GRHL2: variants seen among roughly 807,000 people sequenced by gnomAD.
The protein encoded by GRHL2 is grainyhead like transcription factor 2, also known as grainyhead-like protein 2 homolog.
In GRHL2, 21 loss-of-function variants were observed where a neutral mutation model predicts 83.8. The observed-to-expected ratio is 0.25, with a 90% CI of 0.18 to 0.36. The LOEUF (loss-of-function observed/expected upper bound fraction) is 0.36. GRHL2 is among the 10% of genes least tolerant of loss of function. The probability of loss-of-function intolerance (pLI) is 1.00; values close to 1 mark genes in which losing one functional copy is unlikely to be tolerated. For synonymous variants in GRHL2, 280 were observed against 278.9 expected (o/e 1.00, Z -0.04); for missense variants, 623 against 781.8 (o/e 0.80, Z 2.42).
At chr8:101,616,322 C>G (rs781288603) in intron 8 of GRHL2, among the ~76,000 whole-genome samples, 1 of 151,960 alleles carries the variant, frequency 6.6e-6, no homozygotes, top group Non-Finnish European at 1.5e-5. Flanking sequence ...AGGTGCCCAC[C>G]ACCATACCCA....
the GRHL2 span, among the ~76,000 whole-genome samples, chr8:101,677,226 A>AT: frequency 0.012 from 1,794 of 151,734 alleles, 26 homozygotes; most frequent in East Asian, 0.056. Context: ...AATAATAATA[A>AT]AAATAAAGAA....
chr8:101,628,030 G>T (rs1813114288), intron 9 of GRHL2, among the ~76,000 whole-genome samples: 1 of 152,176 alleles, frequency 6.6e-6, no homozygotes, highest in Admixed American at 6.6e-5. Flanking sequence ...AACTGCAAGT[G>T]CTGATGTAGA....
chr8:101,578,639 A>G (rs1811982484), intron 7 of GRHL2, among the ~76,000 whole-genome samples: 1 of 152,224 alleles, frequency 6.6e-6, no homozygotes, highest in African/African-American at 2.4e-5. Flanking sequence ...AGACTTCATT[A>G]CCCCATTTTG....
chr8:101,540,549 C>T (rs1981361), intron 1 of GRHL2, among the ~76,000 whole-genome samples: 75,098 of 152,070 alleles, frequency 0.49, 19,645 homozygotes, highest in Non-Finnish European at 0.58. Flanking sequence ...GCCTAGCGAC[C>T]GGAATTCCAC....
intron 1 of GRHL2, among the ~76,000 whole-genome samples, chr8:101,535,003 C>A (rs1811013903): frequency 6.6e-6 from 1 of 152,184 alleles, no homozygotes; most frequent in African/African-American, 2.4e-5. Flanking sequence ...ACATGCATTT[C>A]TCTCATTTAA....
chr8:101,545,871 T>C (rs995422150), intron 2 of GRHL2, among the ~76,000 whole-genome samples: 2 of 83,196 alleles, frequency 2.4e-5, no homozygotes, highest in African/African-American at 1.3e-4. Flanking sequence ...CTTTGTAACA[T>C]TTTTTTTTTT....
intron 11 of GRHL2, among the ~76,000 whole-genome samples, chr8:101,633,349 T>A (rs2130402804): frequency 6.6e-6 from 1 of 152,336 alleles, no homozygotes; most frequent in South Asian, 2.1e-4. Flanking sequence ...TGAGGAAACA[T>A]CTGTTTTGAG....
rs531108045 is a variant in GRHL2, at chr8:101,610,561, C to T, written c.1099-8978C>T. 1.7e-4 allele frequency among the ~76,000 whole-genome samples: 26 copies of T among 150,796 alleles called. 3 individuals carry two copies. In the South Asian group the frequency reaches 3.3e-3, roughly 19 times the overall value. On this transcript the variant is annotated intron_variant, in intron 8 of 15. Coordinates refer to ENST00000646743, the MANE Select transcript of GRHL2 (RefSeq NM_024915.4). ...TCTGAAAGGAGAGAGATAATGTTGA[C>T]GATAGTAAAATTCTTTCGATTTTCA...
chr8:101,673,366 G>T (rs1292395232), downstream of GRHL2, among the ~76,000 whole-genome samples: 1 of 152,010 alleles, frequency 6.6e-6, no homozygotes, highest in South Asian at 2.1e-4. Context: ...GATCTACCAA[G>T]CAATTGGAAA....
intron 8 of GRHL2, among the ~76,000 whole-genome samples, chr8:101,616,178 CTCTT>C (rs1461095034): frequency 6.8e-6 from 1 of 147,936 alleles, no homozygotes; most frequent in East Asian, 2.0e-4. Flanking sequence ...CTCTCTCTCT[CTCTT>C]TCTTTTTGAC....
At chr8:101,530,329 G>T (rs778989320) in intron 1 of GRHL2, among the ~76,000 whole-genome samples, 1 of 152,142 alleles carries the variant, frequency 6.6e-6, no homozygotes, top group Non-Finnish European at 1.5e-5. Flanking sequence ...AATGGAAATC[G>T]GTCCTGCAGG....
chr8:101,604,031 A>AAAAAAC (rs1445738376), intron 8 of GRHL2, among the ~76,000 whole-genome samples: 4 of 151,224 alleles, frequency 2.6e-5, no homozygotes, highest in African/African-American at 9.7e-5. Context: ...AAAAAAAAAA[A>AAAAAAC]AAAAGCCATA....
intron 2 of GRHL2, among the ~76,000 whole-genome samples, chr8:101,551,574 G>C (rs1461931366): frequency 6.6e-6 from 1 of 151,730 alleles, no homozygotes; most frequent in African/African-American, 2.4e-5. Context: ...GCTGCTTTTT[G>C]GGTGCAAAGG....
intron 1 of GRHL2, among the ~76,000 whole-genome samples, chr8:101,513,628 G>A (rs1395730654): frequency 6.6e-6 from 1 of 151,432 alleles, no homozygotes; most frequent in Non-Finnish European, 1.5e-5. Context: ...CCTAGTAGCT[G>A]GGATTACAGG....
At chr8:101,573,496 T>A (rs975702192) in intron 5 of GRHL2, among the ~76,000 whole-genome samples, 172 bp from the exon 6 acceptor site, 1 of 152,232 alleles carries the variant, frequency 6.6e-6, no homozygotes, top group Admixed American at 6.5e-5. Flanking sequence ...GTATACATTG[T>A]ACTAGCAATG....
chr8:101,580,656 C>T (rs1235514740), intron 7 of GRHL2, among the ~76,000 whole-genome samples: 1 of 152,144 alleles, frequency 6.6e-6, no homozygotes, highest in African/African-American at 2.4e-5. Context: ...GATAGAAACC[C>T]AAGAATGCCA....
At chr8:101,616,781 GT>G (rs1407194741) in intron 8 of GRHL2, among the ~76,000 whole-genome samples, 1 of 152,070 alleles carries the variant, frequency 6.6e-6, no homozygotes, top group Non-Finnish European at 1.5e-5. Context: ...AGGGGTTTGA[GT>G]TTCTTTTCTA....
At chr8:101,534,686 G>A (rs1306991427) in intron 1 of GRHL2, among the ~76,000 whole-genome samples, 1 of 151,968 alleles carries the variant, frequency 6.6e-6, no homozygotes, top group African/African-American at 2.4e-5. Flanking sequence ...TGCTAGCAGT[G>A]GAGGTAGTGA....
At position 101,667,979 on chromosome 8, in the gene GRHL2, G is replaced by C. The variant is rs1814111788; in HGVS notation, c.*1276G>C. On this transcript the variant is annotated 3_prime_UTR_variant, in exon 16 of 16. Transcript: ENST00000646743. The stretch of plus-strand genomic sequence containing the variant: ...TTCCTCCTGGGCCACCAGATGGAAA[G>C]GGGGTATTGTTTGCCTCACTCCTGG... 1 of 152,738 alleles carries C rather than the reference G, an allele frequency of 6.5e-6. No individual in the cohort carries two copies. The highest frequency in any genetic ancestry group is 1.5e-5 in the Non-Finnish European group (1 of 68,140). 9.5% of individuals were successfully genotyped at this position (152,738 alleles called of 1,614,324 possible).
Sources: allele counts gnomAD v4.1 joint callset (sites outside exome capture counted in the v4.1 genomes callset), GRCh38; gene constraint gnomAD v4.1.1; transcripts MANE v1.5; gene names NCBI Gene and HGNC (gene_info 2026-07-23, HGNC 2026-07-21).